Variants in FAT3 observed in about 807,000 individuals in gnomAD.
The protein encoded by FAT3 is FAT atypical cadherin 3, also known as protocadherin Fat 3.
In FAT3, 95 loss-of-function variants were observed where a neutral mutation model predicts 310.2. The ratio of observed to expected loss-of-function variants is 0.31; its 90% CI spans 0.26 to 0.36. FAT3 has a LOEUF of 0.36. Ranked by LOEUF, FAT3 falls within the 10% of genes least tolerant of loss-of-function variation. The pLI, the probability that FAT3 is intolerant of heterozygous loss-of-function variation, is 1.00. For missense variants in FAT3, 5,408 were observed against 5,715.6 expected, an observed-to-expected ratio of 0.95 and a Z score of 1.74; for synonymous variants, 2,314 against 2,192.9, an observed-to-expected ratio of 1.06 and a Z score of -1.54.
chr11:92,652,469 GCCCACATTTTCCAATAAAACTGGT>G lies in FAT3; in HGVS notation c.3608-44912_3608-44889del, dbSNP rs552955792. Among the ~76,000 whole-genome samples, 776 of 152,208 alleles carry G rather than the reference GCCCACATTTTCCAATAAAACTGGT, an allele frequency of 5.1e-3. 4 individuals are homozygous for G. Among genetic ancestry groups the G allele is most frequent in the African/African-American group, 0.018 (751 of 41,538 alleles). ...AGAGATAAATTTACGGAAAAATCTG[GCCCACATTTTCCAATAAAACTGGT>G]CCTGTGTTCCTCAGAGCTACAAACA... On this transcript the variant is annotated intron_variant, in intron 3 of 27. Coordinates refer to ENST00000525166, the MANE Select transcript of FAT3 (RefSeq NM_001367949.2).
At chr11:92,686,833 T>C (rs1943646926) in intron 3 of FAT3, among the ~76,000 whole-genome samples, 2 of 152,190 alleles carry the variant, frequency 1.3e-5, no homozygotes, top group African/African-American at 2.4e-5. Context: ...TCTGAGTAAT[T>C]TGCACTTTAT....
chr11:92,364,061 G>A (rs897409757), intron 2 of FAT3, among the ~76,000 whole-genome samples: 16 of 152,004 alleles, frequency 1.1e-4, no homozygotes, highest in African/African-American at 3.6e-4. Flanking sequence ...TCTTCATTGT[G>A]TATCAGGCTT....
At chr11:92,623,635 T>C (rs1035026605) in intron 3 of FAT3, among the ~76,000 whole-genome samples, 1 of 152,206 alleles carries the variant, frequency 6.6e-6, no homozygotes, top group Non-Finnish European at 1.5e-5. Flanking sequence ...AGAATTTGTA[T>C]TGCCTGCTTT....
intron 1 of FAT3, among the ~76,000 whole-genome samples, chr11:92,245,339 C>T (rs528000589): frequency 1.5e-4 from 21 of 140,386 alleles, no homozygotes; most frequent in Non-Finnish European, 2.0e-4. Context: ...CGGGGCCTGT[C>T]GGGGGGTGGC....
intron 1 of FAT3, among the ~76,000 whole-genome samples, chr11:92,265,213 G>C (rs143040919): frequency 6.6e-6 from 1 of 151,652 alleles, no homozygotes; most frequent in Non-Finnish European, 1.5e-5. Flanking sequence ...CTGTATTTGC[G>C]TGATAGAAAA....
intron 4 of FAT3, among the ~76,000 whole-genome samples, chr11:92,747,904 G>A (rs1265247615): frequency 2.0e-5 from 3 of 152,176 alleles, no homozygotes; most frequent in Non-Finnish European, 4.4e-5. Flanking sequence ...AACCCATTCA[G>A]CAAGTCTTTA....
At position 92,761,844 on chromosome 11, in the gene FAT3, T is replaced by A. The variant is rs1394605438; in HGVS notation, c.3670-12T>A. The stretch of plus-strand genomic sequence containing the variant: ...TTTCTCCTTTCTGATCACATCATAC[T>A]CTCTTTTTCAGGTGACTGTGACAGA... On this transcript the variant is annotated splice_polypyrimidine_tract_variant and intron_variant, in intron 4 of 27. Transcript: ENST00000525166. The A allele has an allele frequency of 6.2e-7, 1 of 1,610,244 alleles. No individual in the cohort carries two copies. Among genetic ancestry groups the A allele is most frequent in the East Asian group, 2.2e-5 (1 of 44,846 alleles).
At chr11:92,255,465 T>C (rs1391384728) in intron 1 of FAT3, among the ~76,000 whole-genome samples, 1 of 151,982 alleles carries the variant, frequency 6.6e-6, no homozygotes, top group Non-Finnish European at 1.5e-5. Context: ...ATGGACTCAC[T>C]ACATAAAAGC....
At chr11:92,830,839 A>G (rs567093796) in intron 13 of FAT3, among the ~76,000 whole-genome samples, 7 of 152,224 alleles carry the variant, frequency 4.6e-5, no homozygotes, top group South Asian at 2.1e-4. Context: ...CCACAATCAG[A>G]AAACACTCTC....
intron 3 of FAT3, among the ~76,000 whole-genome samples, chr11:92,669,618 C>T (rs559661338): frequency 1.3e-5 from 2 of 152,236 alleles, no homozygotes; most frequent in South Asian, 4.1e-4. Flanking sequence ...AACAAAAAGC[C>T]AGTTTTTGCA....
intron 2 of FAT3, among the ~76,000 whole-genome samples, chr11:92,399,492 A>C (rs1188901826): frequency 1.3e-5 from 2 of 152,212 alleles, no homozygotes; most frequent in African/African-American, 4.8e-5. Context: ...GTGCACACTC[A>C]TATGAAATAT....
chr11:92,749,464 A>T (rs1311890810), intron 4 of FAT3, among the ~76,000 whole-genome samples: 1 of 152,228 alleles, frequency 6.6e-6, no homozygotes, highest in African/African-American at 2.4e-5. Context: ...TCTGGACCTC[A>T]GTTTCCTCAT....
chr11:92,702,390 C>T (rs1303386402), intron 4 of FAT3, among the ~76,000 whole-genome samples: 1 of 152,222 alleles, frequency 6.6e-6, no homozygotes, highest in East Asian at 1.9e-4. Flanking sequence ...GATGTAGAGA[C>T]AGGAAGAAGG....
At chr11:92,500,997 G>T (rs1326056214) in intron 2 of FAT3, among the ~76,000 whole-genome samples, 3 of 151,960 alleles carry the variant, frequency 2.0e-5, no homozygotes, top group Non-Finnish European at 2.9e-5. Flanking sequence ...CAATGAGATC[G>T]ATTTCCCCCT....
At chr11:92,710,043 A>G (rs926215574) in intron 4 of FAT3, among the ~76,000 whole-genome samples, 1 of 152,214 alleles carries the variant, frequency 6.6e-6, no homozygotes, top group South Asian at 2.1e-4. Flanking sequence ...AGGCTAACGT[A>G]TACCTTGCTG....
intron 2 of FAT3, among the ~76,000 whole-genome samples, chr11:92,423,068 A>G (rs1365577759): frequency 1.3e-5 from 2 of 152,198 alleles, no homozygotes; most frequent in Non-Finnish European, 2.9e-5. Context: ...CATTTCATTT[A>G]TATTTAGGAG....
At chr11:92,596,065 G>A (rs1939692149) in intron 3 of FAT3, among the ~76,000 whole-genome samples, 1 of 152,148 alleles carries the variant, frequency 6.6e-6, no homozygotes, top group Non-Finnish European at 1.5e-5. Flanking sequence ...ATGTTTCCAA[G>A]GTCATCCTTA....
intron 3 of FAT3, among the ~76,000 whole-genome samples, chr11:92,582,626 G>A (rs1302347469): frequency 6.6e-6 from 1 of 152,000 alleles, no homozygotes; most frequent in African/African-American, 2.4e-5. Flanking sequence ...GACTTCAGAT[G>A]AAATCTGCTG....
intron 1 of FAT3, among the ~76,000 whole-genome samples, chr11:92,281,343 T>A (rs1358679071): frequency 1.3e-5 from 2 of 152,182 alleles, no homozygotes; most frequent in Non-Finnish European, 2.9e-5. Flanking sequence ...ATATTTATAA[T>A]TTATTTTATT....
Sources: gnomAD v4.1 joint callset for allele counts (sites outside exome capture counted in the v4.1 genomes callset) on GRCh38, gnomAD v4.1.1 for gene constraint, MANE v1.5 for transcripts, NCBI Gene and HGNC (gene_info 2026-07-23, HGNC 2026-07-21) for gene names.